RNF152: variants seen among roughly 807,000 people sequenced by gnomAD.
The protein encoded by RNF152 is E3 ubiquitin-protein ligase RNF152.
RNF152 carries 11 observed loss-of-function variants against 12.7 expected under a neutral mutation model. That is an observed-to-expected ratio of 0.86 (90% CI 0.54 to 1.43). RNF152 has a LOEUF of 1.43. Ranked by LOEUF, RNF152 falls within the 40% of genes most tolerant of loss-of-function variation. The probability of loss-of-function intolerance (pLI) is 0.00; values close to 1 mark genes in which losing one functional copy is unlikely to be tolerated. For synonymous variants in RNF152, 113 were observed against 120.3 expected, an observed-to-expected ratio of 0.94 and a Z score of 0.40; for missense variants, 255 against 274.8, an observed-to-expected ratio of 0.93 and a Z score of 0.51.
chr18:61,837,157 A>T (rs563777331), intron 1 of RNF152, among the ~76,000 whole-genome samples: 4 of 152,318 alleles, frequency 2.6e-5, no homozygotes, highest in African/African-American at 9.6e-5. Flanking sequence ...CATGACAGGG[A>T]TGATGAGACA....
At chr18:61,830,599 A>G (rs909303441) in intron 1 of RNF152, among the ~76,000 whole-genome samples, 1 of 152,144 alleles carries the variant, frequency 6.6e-6, no homozygotes, top group Non-Finnish European at 1.5e-5. Flanking sequence ...GTAATATTCA[A>G]TTGTGTATTA....
intron 1 of RNF152, among the ~76,000 whole-genome samples, chr18:61,864,708 G>C (rs995341701): frequency 2.0e-5 from 3 of 152,156 alleles, no homozygotes; most frequent in African/African-American, 7.2e-5. Context: ...GGCCAGCTAA[G>C]AGCCCACCAA....
In RNF152 at chr18:61,812,222, C is replaced by T. The variant is rs1333027491; in HGVS notation, c.*3630G>A. 1 of 152,144 alleles carries T rather than the reference C, an allele frequency of 6.6e-6. No homozygotes were observed. Among genetic ancestry groups the T allele is most frequent in the Non-Finnish European group, 1.5e-5 (1 of 68,028 alleles). 9.4% of individuals were successfully genotyped at this position (152,144 alleles called of 1,614,324 possible). On this transcript the variant is annotated 3_prime_UTR_variant, in exon 2 of 2. Transcript: ENST00000312828. ...ATTAAAATTAAATAAAATTTGAAATCCAGTTCTTCCCTTGTAGTAACCCCA... is the reference window on the plus strand; with the variant it reads ...ATTAAAATTAAATAAAATTTGAAATTCAGTTCTTCCCTTGTAGTAACCCCA...
intron 1 of RNF152, among the ~76,000 whole-genome samples, chr18:61,821,404 G>A (rs1443827558): frequency 6.6e-6 from 1 of 152,106 alleles, no homozygotes; most frequent in East Asian, 1.9e-4. Context: ...TTATTTTCTG[G>A]AGCGTAATTA....
intron 1 of RNF152, among the ~76,000 whole-genome samples, chr18:61,824,733 A>G (rs1368744167): frequency 6.6e-6 from 1 of 152,252 alleles, no homozygotes; most frequent in Admixed American, 6.5e-5. Context: ...CTACCTTGAA[A>G]AGAAGCTGCA....
rs1909025276 is a variant in RNF152, at chr18:61,815,579, A to G, written c.*273T>C. 2.4e-6 allele frequency: 1 copy of G among 410,798 alleles called. No homozygotes were observed. The highest frequency in any genetic ancestry group is 3.8e-5 in the South Asian group (1 of 26,292). The allele number at this position is 410,798 out of a possible 1,614,324, so 25.4% of individuals were successfully genotyped here. A position where few individuals can be genotyped will look rare whatever the true frequency, so the allele number is the denominator to read the frequency against. On this transcript the variant is annotated 3_prime_UTR_variant, in exon 2 of 2. Transcript: ENST00000312828. ...TCTTGTAACATGATTTTGAAAAATC[A>G]TAAATTACAGTCCATTGAATACATG... is the stretch of plus-strand genomic sequence containing the variant.
chr18:61,888,332 C>G (rs1912791836), intron 1 of RNF152: 1 of 152,170 alleles, frequency 6.6e-6, no homozygotes, highest in South Asian at 2.1e-4. Flanking sequence ...TTGAAAATCC[C>G]TAAGCATGTA....
At chr18:61,855,332 T>C (rs12953421) in intron 1 of RNF152, among the ~76,000 whole-genome samples, 13,494 of 152,334 alleles carry the variant, frequency 0.089, 976 homozygotes, top group East Asian at 0.44. Context: ...ATTATTTTGA[T>C]GATATCATAG....
chr18:61,887,854 C>T lies in RNF152; in HGVS notation c.-136+4941G>A, dbSNP rs562086905. Among the ~76,000 whole-genome samples, 12 of 152,254 alleles carry T rather than the reference C, an allele frequency of 7.9e-5. No homozygotes were observed. The East Asian group carries it at 2.3e-3, about 29-fold the overall frequency. ...GATCAGAACTGAGCCGGGAAAGTTA[C>T]ACTTCCTTGGTAGGTGGGAATGCGA... is the stretch of plus-strand genomic sequence containing the variant. On this transcript the variant is annotated intron_variant, in intron 1 of 1. Transcript: ENST00000312828.
At chr18:61,876,523 T>C (rs1912220719) in intron 1 of RNF152, among the ~76,000 whole-genome samples, 1 of 152,150 alleles carries the variant, frequency 6.6e-6, no homozygotes, top group Non-Finnish European at 1.5e-5. Context: ...GTCGAAGTCA[T>C]GAAAATACAG....
intron 1 of RNF152, among the ~76,000 whole-genome samples, chr18:61,889,811 A>G (rs1456709912): frequency 6.6e-6 from 1 of 152,038 alleles, no homozygotes; most frequent in Non-Finnish European, 1.5e-5. Flanking sequence ...CTCTTTTTCT[A>G]CCCTGGGCGG....
chr18:61,846,101 C>T lies in RNF152; in HGVS notation c.-135-29503G>A, dbSNP rs536214403. 9.2e-5 allele frequency among the ~76,000 whole-genome samples: 14 copies of T among 152,252 alleles called. No homozygotes were observed. In the East Asian group the frequency reaches 2.7e-3, roughly 29 times the overall value. ...CTGCCTTGATCTTGGACTTCCCAGC[C>T]TCCAGAACTGTGAGTAATAAATTTC... On this transcript the variant is annotated intron_variant, in intron 1 of 1. Coordinates refer to ENST00000312828, the MANE Select transcript of RNF152 (RefSeq NM_173557.3).
intron 1 of RNF152, among the ~76,000 whole-genome samples, chr18:61,855,571 C>A (rs1911186180): frequency 6.6e-6 from 1 of 152,258 alleles, no homozygotes; most frequent in Admixed American, 6.5e-5. Flanking sequence ...TGCAGTGCAT[C>A]TGGTGCAGCT....
At chr18:61,854,423 T>C (rs1856314956) in intron 1 of RNF152, among the ~76,000 whole-genome samples, 1 of 152,180 alleles carries the variant, frequency 6.6e-6, no homozygotes, top group East Asian at 1.9e-4. Context: ...GCAACAGCCT[T>C]AAAGGAAACG....
At chr18:61,890,336 C>A (rs887700734) in intron 1 of RNF152, 5 of 152,144 alleles carry the variant, frequency 3.3e-5, no homozygotes, top group African/African-American at 1.2e-4. Flanking sequence ...GGTCATATGC[C>A]CAGTTCTGGC....
chr18:61,815,674 T>C lies in RNF152; in HGVS notation c.*178A>G, dbSNP rs1286341516. 1 of 623,726 alleles carries C rather than the reference T, an allele frequency of 1.6e-6. No homozygotes were observed. The highest frequency in any genetic ancestry group is 1.8e-5 in the African/African-American group (1 of 54,328). 38.6% of individuals were successfully genotyped at this position (623,726 alleles called of 1,614,324 possible). A position where few individuals can be genotyped will look rare whatever the true frequency, so the allele number is the denominator to read the frequency against. On this transcript the variant is annotated 3_prime_UTR_variant, in exon 2 of 2. Transcript: ENST00000312828. ...CACTCAGAACAATTCACCTGGTATC[T>C]TGTTGAGACCGCACCTTCTGCCCTT...
chr18:61,820,655 GA>G (rs1248004663), intron 1 of RNF152, among the ~76,000 whole-genome samples: 1 of 152,078 alleles, frequency 6.6e-6, no homozygotes, highest in Non-Finnish European at 1.5e-5. Context: ...TCCTTAACAG[GA>G]AAACCCTCAA....
chr18:61,819,744 G>C (rs118090509), intron 1 of RNF152, among the ~76,000 whole-genome samples: 5,629 of 152,276 alleles, frequency 0.037, 144 homozygotes, highest in Admixed American at 0.057. Context: ...GAGAAGGTCA[G>C]GCACAGTGGC....
At chr18:61,885,881 T>C (rs1353667411) in intron 1 of RNF152, among the ~76,000 whole-genome samples, 2 of 152,034 alleles carry the variant, frequency 1.3e-5, no homozygotes, top group Non-Finnish European at 2.9e-5. Context: ...CATCAATGCC[T>C]GCTCCGTTAG....
Sources: gnomAD v4.1 joint callset for allele counts (sites outside exome capture counted in the v4.1 genomes callset) on GRCh38, gnomAD v4.1.1 for gene constraint, MANE v1.5 for transcripts, NCBI Gene and HGNC (gene_info 2026-07-23, HGNC 2026-07-21) for gene names.